HUWE1: variants seen among roughly 807,000 people sequenced by gnomAD.
HUWE1 encodes the protein E3 ubiquitin-protein ligase HUWE1.
Under a neutral mutation model 299.4 loss-of-function variants are expected in HUWE1, and 18 were observed. The ratio of observed to expected loss-of-function variants is 0.06; its 90% CI spans 0.04 to 0.09. The LOEUF is 0.09. HUWE1 is among the 10% of genes least tolerant of loss of function. The pLI is 1.00. For synonymous variants in HUWE1, 1,317 were observed against 1,286.1 expected (o/e 1.02, Z -0.51); for missense variants, 1,832 against 3,462.3 (o/e 0.53, Z 11.82).
In HUWE1 at chrX:53,590,907, G is replaced by A; in HGVS notation, c.4095+93C>T. 8 of 1,060,036 alleles carry A rather than the reference G, an allele frequency of 7.5e-6. No homozygotes were observed. The South Asian group carries it at 1.1e-4, about 15-fold the overall frequency. The allele number at this position is 1,060,036 out of a possible 1,213,427, so 87.4% of individuals were successfully genotyped here. On this transcript the variant is annotated intron_variant, in intron 34 of 83. Coordinates refer to ENST00000262854, the MANE Select transcript of HUWE1 (RefSeq NM_031407.7). ...GTCTGAAAATGAGAAGCAGTTTATA[G>A]AAAGGAAGACCAATGACAGAATAAT...
intron 80 of HUWE1, chrX:53,535,842 G>C (rs782688398): frequency 8.0e-6 from 3 of 373,834 alleles, no homozygotes; most frequent in Non-Finnish European, 1.4e-5. Flanking sequence ...AACCTTAACT[G>C]CCTTCATTTT....
At chrX:53,656,273 G>GCAAT (rs2068739462) in intron 3 of HUWE1, among the ~76,000 whole-genome samples, 1 of 110,422 alleles carries the variant, frequency 9.1e-6, no homozygotes, top group Non-Finnish European at 1.9e-5. Flanking sequence ...CTACTTGGGA[G>GCAAT]GCTGAGGCAG....
rs200599773 is a variant in HUWE1, at chrX:53,648,523, TAAAAAACAAA to T, written c.46-223_46-214del. 2.0e-3 allele frequency among the ~76,000 whole-genome samples: 177 copies of T among 86,988 alleles called. 1 individual carries two copies. Among genetic ancestry groups the T allele is most frequent in the East Asian group, 6.9e-3 (23 of 3,342 alleles). 75.5% of individuals were successfully genotyped at this position (86,988 alleles called of 115,157 possible). ...ATTCCCCCAACAATCCACCTGGGCT[TAAAAAACAAA>T]AAAAAACAAAAAAAAACAAAAAACA... On this transcript the variant is annotated intron_variant, in intron 4 of 83. Coordinates refer to ENST00000262854, the MANE Select transcript of HUWE1 (RefSeq NM_031407.7).
intron 59 of HUWE1, 72 bp downstream of exon 59, chrX:53,558,583 G>T: frequency 2.0e-6 from 2 of 1,004,918 alleles, no homozygotes; most frequent in Non-Finnish European, 2.8e-6. Flanking sequence ...GATTCCTGGT[G>T]CCATGTGTAT....
Position 53,584,672 on chromosome X carries a change from A to G in HUWE1, c.5002-327T>C, listed in dbSNP as rs186503419. On this transcript the variant is annotated intron_variant, in intron 40 of 83. Transcript: ENST00000262854. ...CAAGGTCTAATCAATGACCTTAGGA[A>G]GACTCGATTTTCTGAAATCTATACT... Among the ~76,000 whole-genome samples, 176 of 111,736 alleles carry G rather than the reference A, an allele frequency of 1.6e-3. 1 individual carries two copies. The highest frequency in any genetic ancestry group is 2.6e-3 in the Non-Finnish European group (138 of 53,133).
chrX:53,550,071 G>C (rs962492325), intron 66 of HUWE1, among the ~76,000 whole-genome samples: 1 of 111,033 alleles, frequency 9.0e-6, no homozygotes, highest in Non-Finnish European at 1.9e-5. Flanking sequence ...CCATTTTTGA[G>C]ATGATAAACA....
In HUWE1 at chrX:53,608,921, GA is replaced by G; in HGVS notation, c.2262-13del. 1 of 1,058,084 alleles carries G rather than the reference GA, an allele frequency of 9.5e-7. No individual in the cohort carries two copies. The highest frequency in any genetic ancestry group is 1.3e-6 in the Non-Finnish European group (1 of 755,053). The allele number at this position is 1,058,084 out of a possible 1,213,427, so 87.2% of individuals were successfully genotyped here. A position where few individuals can be genotyped will look rare whatever the true frequency, so the allele number is the denominator to read the frequency against. On this transcript the variant is annotated splice_polypyrimidine_tract_variant and intron_variant, in intron 23 of 83. Transcript: ENST00000262854. ...CTGTACCAACAACCCTGTTAGGGGA[GA>G]AAAGAGTGAGTTACACAGAAATTCA...
chrX:53,594,753 G>A, intron 30 of HUWE1, 132 bp from the exon 31 acceptor site: 1 of 619,768 alleles, frequency 1.6e-6, no homozygotes, highest in Non-Finnish European at 2.6e-6. Context: ...AAGAATACAG[G>A]ATGAGTATCC....
intron 3 of HUWE1, among the ~76,000 whole-genome samples, chrX:53,675,572 CTCAT>C (rs1557050839): frequency 9.0e-6 from 1 of 110,517 alleles, no homozygotes; most frequent in Non-Finnish European, 1.9e-5. Context: ...GAGACCAAGT[CTCAT>C]TCATTTTATG....
chrX:53,578,907 G>A, intron 43 of HUWE1, among the ~76,000 whole-genome samples: 1 of 74,937 alleles, frequency 1.3e-5, no homozygotes, highest in Non-Finnish European at 2.6e-5. Context: ...GGAGGTGGGG[G>A]GATCAGCCCC....
At chrX:53,540,417 C>T (rs1569409725) in intron 74 of HUWE1, among the ~76,000 whole-genome samples, 1 of 110,852 alleles carries the variant, frequency 9.0e-6, no homozygotes, top group East Asian at 2.8e-4. Flanking sequence ...CAACCTCCGC[C>T]TCCTGGGTTC....
In HUWE1 at chrX:53,535,460, G is replaced by C. The variant is rs140734968; in HGVS notation, c.12573C>G (p.Pro4191=). ...FGVCEVRDLK[P]NGANILVTEE... ...CTGTTACCAAGATGTTGGCCCCATT[G>C]GGTTTGAGGTCACGAACTTCACAAA... Residue 4191 remains proline (P), a synonymous_variant, in exon 81 of 84, where the codon CCC becomes CCG. Coordinates refer to ENST00000262854, the MANE Select transcript of HUWE1 (RefSeq NM_031407.7). 1.8e-3 allele frequency: 2,137 copies of C among 1,206,433 alleles called. 21 individuals carry two copies. The highest frequency in any genetic ancestry group is 7.0e-4 in the Non-Finnish European group (622 of 892,599).
rs2067977857 is a variant in HUWE1 at position 53,645,739 on chromosome X, ATATATATATATATATATATATATAT to A, written c.352-301_352-277del. Among the ~76,000 whole-genome samples, 60 of 19,935 alleles carry A rather than the reference ATATATATATATATATATATATATAT, an allele frequency of 3.0e-3. 5 individuals are homozygous for A. Among genetic ancestry groups the A allele is most frequent in the African/African-American group, 0.01 (56 of 5,346 alleles). 17.3% of individuals were successfully genotyped at this position (19,935 alleles called of 115,157 possible). ...AAAAAAGAAAAAAAAAAAAAAAAAT[ATATATATATATATATATATATATAT>A]ATATATATATATGTATTTGATAATC... On this transcript the variant is annotated intron_variant, in intron 6 of 83. Coordinates refer to ENST00000262854, the MANE Select transcript of HUWE1 (RefSeq NM_031407.7).
chrX:53,559,211 G>C, intron 57 of HUWE1, 143 bp downstream of exon 57: 1 of 782,262 alleles, frequency 1.3e-6, no homozygotes, highest in Non-Finnish European at 1.9e-6. Flanking sequence ...TAAAGTTTTT[G>C]TTGCCCATGG....
intron 7 of HUWE1, among the ~76,000 whole-genome samples, chrX:53,636,668 G>A (rs782799415): frequency 3.2e-4 from 36 of 112,143 alleles, no homozygotes; most frequent in East Asian, 2.5e-3. Flanking sequence ...GTTGCAGTGA[G>A]CTGAAATTGC....
At chrX:53,629,383 T>C (rs184303156) in intron 13 of HUWE1, 133 bp downstream of exon 13, 3 of 499,890 alleles carry the variant, frequency 6.0e-6, no homozygotes, top group East Asian at 3.6e-5. Flanking sequence ...GTGTTTAAAC[T>C]TGGGTCCCAT....
Position 53,535,369 on chromosome X carries a change from G to A in HUWE1, c.12649+15C>T. 1 of 1,035,521 alleles carries A rather than the reference G, an allele frequency of 9.7e-7. No individual in the cohort carries two copies. Among genetic ancestry groups the A allele is most frequent in the Non-Finnish European group, 1.4e-6 (1 of 734,762 alleles). 85.3% of individuals were successfully genotyped at this position (1,035,521 alleles called of 1,213,427 possible). On this transcript the variant is annotated intron_variant, in intron 81 of 83. Transcript: ENST00000262854. ...TCATATTGAGCAACTAGAGGTCTAG[G>A]AACATTTCCCCTACCTGTCATTCTC...
At chrX:53,684,242 C>T (rs1202403402) in intron 2 of HUWE1, 2 of 181,838 alleles carry the variant, frequency 1.1e-5, no homozygotes, top group Non-Finnish European at 1.0e-5. Context: ...TCGGCGAGAC[C>T]TTCTTAATTC....
intron 60 of HUWE1, 85 bp downstream of exon 60, chrX:53,557,297 C>G (rs1556935917): frequency 1.2e-6 from 1 of 826,140 alleles, no homozygotes; most frequent in Non-Finnish European, 1.8e-6. Flanking sequence ...CCATCTTCAG[C>G]CTATGTGGGC....
Sources: allele counts gnomAD v4.1 joint callset (sites outside exome capture counted in the v4.1 genomes callset), GRCh38; gene constraint gnomAD v4.1.1; transcripts MANE v1.5; gene names NCBI Gene and HGNC (gene_info 2026-07-23, HGNC 2026-07-21).